The following CPED1 variants were observed in gnomAD, a reference collection of about 807,000 sequenced individuals.
CPED1 encodes cadherin like and PC-esterase domain containing 1.
In CPED1, 114 loss-of-function variants were observed where a neutral mutation model predicts 128.2. That is an observed-to-expected ratio of 0.89 (90% CI 0.76 to 1.04). CPED1 has a LOEUF of 1.04. Among genes scored for constraint, CPED1 ranks in the 50% least tolerant of loss-of-function variants. The probability of loss-of-function intolerance (pLI) is 0.00; values close to 1 mark genes in which losing one functional copy is unlikely to be tolerated. For synonymous variants in CPED1, 462 were observed against 426.7 expected, an observed-to-expected ratio of 1.08 and a Z score of -1.02; for missense variants, 1,211 against 1,207.1, an observed-to-expected ratio of 1.00 and a Z score of -0.05.
At chr7:121,130,373 G>A (rs1795632325) in intron 12 of CPED1, 79 bp downstream of exon 12, 3 of 1,234,562 alleles carry the variant, frequency 2.4e-6, no homozygotes, top group Non-Finnish European at 3.3e-6. Flanking sequence ...CTTTGCCTAT[G>A]TTAAAGCAAG....
chr7:121,133,846 AC>A lies in CPED1; in HGVS notation c.1602del (p.Asn534LysfsTer12), dbSNP rs762152754. 4 of 1,602,986 alleles carry A rather than the reference AC, an allele frequency of 2.5e-6. No homozygotes were observed. The East Asian group carries it at 9.0e-5, about 36-fold the overall frequency. ...AGGAATTCTTTCACAGAAGATAAGA[AC>A]ATTGAAAAACCACAAGTGCCATTTG... is the stretch of plus-strand genomic sequence containing the variant. ...LEWNSFTEDKNIEKPQVPFDA... is the reference protein window; with the variant it reads ...LEWNSFTEDKXIEKPQVPFDA... On this transcript the variant is annotated frameshift_variant, in exon 13 of 23. Transcript: ENST00000310396. LOFTEE classifies it high-confidence loss of function.
At chr7:121,259,258 C>T (rs1791956985) in intron 18 of CPED1, among the ~76,000 whole-genome samples, 1 of 151,986 alleles carries the variant, frequency 6.6e-6, no homozygotes, top group South Asian at 2.1e-4. Context: ...AATCTAACCA[C>T]ACTTAATGGC....
At chr7:120,997,556 G>A (rs1016663094) in intron 2 of CPED1, among the ~76,000 whole-genome samples, 1 of 152,146 alleles carries the variant, frequency 6.6e-6, no homozygotes, top group Admixed American at 6.5e-5. Flanking sequence ...TAGGGTTATC[G>A]CAGATATAAT....
At chr7:121,044,328 T>C (rs2116895751) in intron 3 of CPED1, among the ~76,000 whole-genome samples, 1 of 152,256 alleles carries the variant, frequency 6.6e-6, no homozygotes, top group Admixed American at 6.5e-5. Flanking sequence ...TGGGATTCAA[T>C]GCGGGTAACA....
chr7:121,086,027 AC>A (rs1389286618), intron 5 of CPED1, among the ~76,000 whole-genome samples: 1 of 152,210 alleles, frequency 6.6e-6, no homozygotes, highest in Non-Finnish European at 1.5e-5. Flanking sequence ...GAATCTAAAT[AC>A]AGAATTGAGA....
intron 7 of CPED1, among the ~76,000 whole-genome samples, chr7:121,109,645 T>G (rs914012499): frequency 7.9e-5 from 12 of 152,204 alleles, no homozygotes; most frequent in African/African-American, 2.7e-4. Context: ...AAACTGATGC[T>G]TTGGTAGAAA....
chr7:121,080,591 G>A (rs966594138), intron 5 of CPED1, among the ~76,000 whole-genome samples: 1 of 152,068 alleles, frequency 6.6e-6, no homozygotes, highest in Non-Finnish European at 1.5e-5. Context: ...CTGCTGAGGT[G>A]GAGAAAATTC....
chr7:121,099,039 A>G (rs748844185), intron 6 of CPED1, among the ~76,000 whole-genome samples: 2 of 150,744 alleles, frequency 1.3e-5, no homozygotes, highest in Non-Finnish European at 3.0e-5. Context: ...TAATTTTTTA[A>G]TATTTCATCC....
chr7:121,054,865 G>A (rs533177806), intron 4 of CPED1, among the ~76,000 whole-genome samples: 16 of 151,996 alleles, frequency 1.1e-4, no homozygotes, highest in Admixed American at 6.5e-4. Context: ...AGTCACCACC[G>A]ACTTATTTTC....
At chr7:121,194,882 C>G (rs909097095) in intron 16 of CPED1, 1 of 152,114 alleles carries the variant, frequency 6.6e-6, no homozygotes, top group African/African-American at 2.4e-5. Context: ...GATCCTCTTG[C>G]CTCAGCCTCC....
chr7:121,180,605 G>T (rs1048991665), intron 16 of CPED1, among the ~76,000 whole-genome samples: 7 of 151,922 alleles, frequency 4.6e-5, no homozygotes, highest in African/African-American at 1.7e-4. Context: ...CACACTTTCT[G>T]TTCTTCTTTC....
At chr7:121,046,355 T>C (rs1793194140) in intron 3 of CPED1, among the ~76,000 whole-genome samples, 2 of 152,116 alleles carry the variant, frequency 1.3e-5, no homozygotes, top group Admixed American at 6.5e-5. Flanking sequence ...ATTTTCTCTC[T>C]ATTACAACAC....
chr7:121,024,311 C>T (rs1384865236), intron 3 of CPED1, among the ~76,000 whole-genome samples: 1 of 152,008 alleles, frequency 6.6e-6, no homozygotes, highest in Non-Finnish European at 1.5e-5. Flanking sequence ...GAGTGACCTC[C>T]CCATTCTGAT....
intron 16 of CPED1, among the ~76,000 whole-genome samples, chr7:121,173,977 T>C (rs958900706): frequency 6.6e-6 from 1 of 152,196 alleles, no homozygotes; most frequent in Non-Finnish European, 1.5e-5. Flanking sequence ...ATTTCTCTAA[T>C]GATCAGTGAT....
rs557815351 is a variant in CPED1, at chr7:121,099,020, T to A, written c.750-906T>A. 6.0e-5 allele frequency among the ~76,000 whole-genome samples: 9 copies of A among 151,174 alleles called. No homozygotes were observed. In the East Asian group the frequency reaches 7.8e-4, roughly 13 times the overall value. ...TCCTTAGTAGCCTGAGGTGTTTTTT[T>A]AATTTTTTTAATTTTTTAATATTTC... On this transcript the variant is annotated intron_variant, in intron 6 of 22. Transcript: ENST00000310396.
intron 5 of CPED1, among the ~76,000 whole-genome samples, chr7:121,071,720 A>G (rs941393936): frequency 1.3e-5 from 2 of 151,926 alleles, no homozygotes; most frequent in Non-Finnish European, 2.9e-5. Flanking sequence ...ACTTGGGTTA[A>G]TTTCTTCCTC....
chr7:121,035,336 T>G (rs1792857185), intron 3 of CPED1, among the ~76,000 whole-genome samples: 1 of 152,188 alleles, frequency 6.6e-6, no homozygotes, highest in African/African-American at 2.4e-5. Flanking sequence ...GCAGGAAGAC[T>G]AGCTAGAAGA....
chr7:121,100,151 G>C, intron 7 of CPED1, 57 bp downstream of exon 7: 2 of 1,500,946 alleles, frequency 1.3e-6, no homozygotes, highest in South Asian at 2.3e-5. Flanking sequence ...AAAGTAAAGT[G>C]AGTTGGGCTG....
chr7:121,144,683 G>C (rs554322125), intron 16 of CPED1, among the ~76,000 whole-genome samples: 4 of 151,936 alleles, frequency 2.6e-5, no homozygotes, highest in African/African-American at 9.7e-5. Flanking sequence ...GAGTGGAATT[G>C]GAATGTTCCT....
Sources: allele counts gnomAD v4.1 joint callset (sites outside exome capture counted in the v4.1 genomes callset), GRCh38; gene constraint gnomAD v4.1.1; transcripts MANE v1.5; gene names NCBI Gene and HGNC (gene_info 2026-07-23, HGNC 2026-07-21).